Variants in ASAP2 observed in about 807,000 individuals in gnomAD.
The protein encoded by ASAP2 is ArfGAP with SH3 domain, ankyrin repeat and PH domain 2.
Under a neutral mutation model 131.4 loss-of-function variants are expected in ASAP2, and 45 were observed. That is an observed-to-expected ratio of 0.34 (90% CI 0.27 to 0.44). The LOEUF (loss-of-function observed/expected upper bound fraction) is 0.44, where lower values mean the gene tolerates loss of function less well. Ranked by LOEUF, ASAP2 falls within the 20% of genes least tolerant of loss-of-function variation. ASAP2 has a pLI of 1.00. For missense variants in ASAP2, 1,011 were observed against 1,297.0 expected, an observed-to-expected ratio of 0.78 and a Z score of 3.39; for synonymous variants, 510 against 503.0, an observed-to-expected ratio of 1.01 and a Z score of -0.19.
At position 9,389,815 on chromosome 2, in the gene ASAP2, C is replaced by T. The variant is rs778354051; in HGVS notation, c.2384-1247C>T. Among the ~76,000 whole-genome samples the T allele has an allele frequency of 1.4e-4, 22 of 152,202 alleles. No homozygotes were observed. The highest frequency in any genetic ancestry group is 2.6e-4 in the Non-Finnish European group (18 of 68,042). ...GGCTTGATGAGGACGTCCCTGAGCACAGAAGGCAGCTACAAGATGAAGCCA... is the reference window on the plus strand; with the variant it reads ...GGCTTGATGAGGACGTCCCTGAGCATAGAAGGCAGCTACAAGATGAAGCCA... On this transcript the variant is annotated intron_variant, in intron 22 of 27. Transcript: ENST00000281419. This position sits in a 1 kb window ranked among gnomAD's most constrained non-coding sequence, Gnocchi z 4.7.
At chr2:9,258,342 T>C (rs1665321257) in intron 1 of ASAP2, among the ~76,000 whole-genome samples, 1 of 151,482 alleles carries the variant, frequency 6.6e-6, no homozygotes, top group Non-Finnish European at 1.5e-5. Flanking sequence ...GTTGTTTTTT[T>C]TTTTTTTTTT....
chr2:9,375,123 A>AG (rs972203673), intron 17 of ASAP2, among the ~76,000 whole-genome samples, 179 bp downstream of exon 17: 1 of 151,798 alleles, frequency 6.6e-6, no homozygotes, highest in African/African-American at 2.4e-5. Context: ...AAAAAAAAAA[A>AG]AAAGTAAAAT....
chr2:9,247,024 A>G (rs766768084), intron 1 of ASAP2, among the ~76,000 whole-genome samples: 2 of 152,008 alleles, frequency 1.3e-5, no homozygotes, highest in Non-Finnish European at 2.9e-5. Context: ...ATGTTTTTGT[A>G]GAGATGGGGT....
At chr2:9,235,208 T>C (rs907746658) in intron 1 of ASAP2, among the ~76,000 whole-genome samples, 3 of 152,200 alleles carry the variant, frequency 2.0e-5, no homozygotes, top group Admixed American at 6.5e-5. Flanking sequence ...ATGGGGCCTG[T>C]AGTTTTGAAC....
At chr2:9,343,865 C>T (rs1014554470) in intron 9 of ASAP2, among the ~76,000 whole-genome samples, 20 of 152,206 alleles carry the variant, frequency 1.3e-4, no homozygotes, top group African/African-American at 4.6e-4. Flanking sequence ...CTGGAATTTC[C>T]CAACTGTGGT....
chr2:9,258,377 CT>C (rs1289806847), intron 1 of ASAP2, among the ~76,000 whole-genome samples: 1 of 120,482 alleles, frequency 8.3e-6, no homozygotes, highest in Non-Finnish European at 1.6e-5. Flanking sequence ...AGGAGTCTTA[CT>C]TTCCTTTAAA....
chr2:9,215,727 T>C (rs1199375941), intron 1 of ASAP2, among the ~76,000 whole-genome samples: 1 of 151,820 alleles, frequency 6.6e-6, no homozygotes. Flanking sequence ...ATATAATTAT[T>C]ATATTTCATA....
chr2:9,271,028 C>T (rs942621872), intron 1 of ASAP2, among the ~76,000 whole-genome samples: 3 of 151,690 alleles, frequency 2.0e-5, no homozygotes, highest in Admixed American at 1.3e-4. Flanking sequence ...CTCGTGACCT[C>T]GTGATCCACC....
At position 9,323,224 on chromosome 2, in the gene ASAP2, C is replaced by T. The variant is rs1670261296; in HGVS notation, c.574C>T (p.Arg192Cys). 1 of 1,614,066 alleles carries T rather than the reference C, an allele frequency of 6.2e-7. No homozygotes were observed. Among genetic ancestry groups the T allele is most frequent in the African/African-American group, 1.3e-5 (1 of 74,910 alleles). The change falls in exon 6 of 28, where the codon CGC (arginine) becomes TGC (cysteine). Residue 192 changes from arginine to cysteine, a missense_variant. By Grantham distance (180) the Arg-to-Cys change is radical. Transcript: ENST00000281419. ...TGCCGAAGAGATGGAAAAGGAGAGGCGCTTCTTCCAGCTACAGATGTGCGA... is the reference window on the plus strand; with the variant it reads ...TGCCGAAGAGATGGAAAAGGAGAGGTGCTTCTTCCAGCTACAGATGTGCGA... ...EIAEEMEKER[R>C]FFQLQMCEYL...
chr2:9,338,862 G>C (rs946443120), intron 9 of ASAP2, among the ~76,000 whole-genome samples: 1 of 152,098 alleles, frequency 6.6e-6, no homozygotes, highest in East Asian at 1.9e-4. Context: ...GTGATACCTG[G>C]GATGGAGCTT....
chr2:9,279,433 C>A (rs769124133), intron 2 of ASAP2, 44 bp downstream of exon 2: 1 of 1,579,010 alleles, frequency 6.3e-7, no homozygotes, highest in Non-Finnish European at 8.7e-7. Flanking sequence ...TGGAAAATGT[C>A]GCATTTGAAG....
At chr2:9,226,816 A>G (rs1302769890) in intron 1 of ASAP2, among the ~76,000 whole-genome samples, 1 of 152,128 alleles carries the variant, frequency 6.6e-6, no homozygotes, top group African/African-American at 2.4e-5. Context: ...TCGGTGTGTG[A>G]TCTCTCTCCC....
At chr2:9,333,944 C>T (rs754100774) in intron 7 of ASAP2, among the ~76,000 whole-genome samples, 4 of 151,860 alleles carry the variant, frequency 2.6e-5, no homozygotes, top group East Asian at 1.9e-4. Flanking sequence ...TCTCTACCCA[C>T]GGTTTCCTAC....
chr2:9,266,590 G>A (rs1461411911), intron 1 of ASAP2, among the ~76,000 whole-genome samples: 1 of 152,156 alleles, frequency 6.6e-6, no homozygotes, highest in Non-Finnish European at 1.5e-5. Context: ...TGTTACCCAG[G>A]CTAGCCTTCC....
At chr2:9,358,102 T>C (rs1453483299) in intron 14 of ASAP2, among the ~76,000 whole-genome samples, 1 of 152,184 alleles carries the variant, frequency 6.6e-6, no homozygotes, top group Non-Finnish European at 1.5e-5. Flanking sequence ...CAGTCTGCTC[T>C]GCACTCCCTG....
intron 19 of ASAP2, among the ~76,000 whole-genome samples, chr2:9,380,092 C>T (rs1283759279): frequency 6.6e-6 from 1 of 152,054 alleles, no homozygotes; most frequent in Non-Finnish European, 1.5e-5. Context: ...AATAGGTGAG[C>T]AGTGCTTTTC....
rs1368030090 is a variant in ASAP2, at chr2:9,217,771, C to T, written c.126+10541C>T. The stretch of plus-strand genomic sequence containing the variant: ...CTGGGACTACAGGCGCCTGCCACCA[C>T]GCCCGGCTAATTTTTGGTATTTTTA... On this transcript the variant is annotated intron_variant, in intron 1 of 27. Transcript: ENST00000281419. This position sits in a 1 kb window ranked among gnomAD's most constrained non-coding sequence, Gnocchi z 4.0. Among the ~76,000 whole-genome samples, 5 of 151,924 alleles carry T rather than the reference C, an allele frequency of 3.3e-5. No homozygotes were observed. The highest frequency in any genetic ancestry group is 7.3e-5 in the African/African-American group (3 of 41,364).
At chr2:9,302,423 G>A (rs1054605291) in intron 3 of ASAP2, among the ~76,000 whole-genome samples, 1 of 149,124 alleles carries the variant, frequency 6.7e-6, no homozygotes, top group Non-Finnish European at 1.5e-5. Flanking sequence ...TGCCCACCTC[G>A]GCCTCCCAAA....
chr2:9,358,208 C>T (rs1174652358), intron 14 of ASAP2, among the ~76,000 whole-genome samples: 1 of 152,204 alleles, frequency 6.6e-6, no homozygotes, highest in Non-Finnish European at 1.5e-5. Flanking sequence ...AGATTTGATA[C>T]AAAAGTGCTC....
Sources: gnomAD v4.1 joint callset for allele counts (sites outside exome capture counted in the v4.1 genomes callset) on GRCh38, gnomAD v4.1.1 for gene constraint, Gnocchi (gnomAD v3.1) non-coding constraint, MANE v1.5 for transcripts, NCBI Gene and HGNC (gene_info 2026-07-23, HGNC 2026-07-21) for gene names.